The following UMAD1 variants were observed in gnomAD, a reference collection of about 807,000 sequenced individuals.
UMAD1 encodes the protein UBAP1-MVB12-associated (UMA) domain containing 1.
Under a neutral mutation model 6.1 loss-of-function variants are expected in UMAD1, and 8 were observed. That is an observed-to-expected ratio of 1.30 (90% CI 0.76 to 2.35). UMAD1 has a LOEUF of 2.35. Ranked by LOEUF, UMAD1 falls within the 30% of genes most tolerant of loss-of-function variation. The probability of loss-of-function intolerance (pLI) is 0.00; values close to 1 mark genes in which losing one functional copy is unlikely to be tolerated. For synonymous variants in UMAD1, 56 were observed against 31.4 expected, an observed-to-expected ratio of 1.78 and a Z score of -2.61; for missense variants, 130 against 78.4, an observed-to-expected ratio of 1.66 and a Z score of -2.49.
chr7:7,731,005 G>A (rs1370003462), intron 2 of UMAD1, among the ~76,000 whole-genome samples: 1 of 152,010 alleles, frequency 6.6e-6, no homozygotes, highest in African/African-American at 2.4e-5. Context: ...TTTTTTGTTT[G>A]TTTGTTTGTT....
intron 3 of UMAD1, among the ~76,000 whole-genome samples, chr7:7,843,725 T>C (rs534535336): frequency 6.6e-6 from 1 of 152,168 alleles, no homozygotes; most frequent in Non-Finnish European, 1.5e-5. Context: ...GCAGTGAGGA[T>C]TCCTTATCAC....
intron 2 of UMAD1, among the ~76,000 whole-genome samples, chr7:7,686,612 T>G (rs13234728): frequency 0.57 from 87,400 of 152,004 alleles, 25,386 homozygotes; most frequent in East Asian, 0.81. Flanking sequence ...AACAACAAAT[T>G]AATAAACTTT....
At chr7:7,843,976 A>G (rs1156954555) in intron 3 of UMAD1, among the ~76,000 whole-genome samples, 1 of 152,202 alleles carries the variant, frequency 6.6e-6, no homozygotes, top group Non-Finnish European at 1.5e-5. Flanking sequence ...AAACTGAGTG[A>G]GATACTAATT....
At chr7:7,710,862 G>A (rs192556168) in intron 2 of UMAD1, among the ~76,000 whole-genome samples, 19 of 152,266 alleles carry the variant, frequency 1.2e-4, no homozygotes, top group African/African-American at 4.6e-4. Flanking sequence ...GCAAGAAGAA[G>A]TAACAAACTG....
chr7:7,843,842 C>T (rs144749144), intron 3 of UMAD1, among the ~76,000 whole-genome samples: 4 of 152,266 alleles, frequency 2.6e-5, no homozygotes, highest in African/African-American at 7.2e-5. Flanking sequence ...AATGTCAGTT[C>T]TGTAATCCCC....
At chr7:7,813,553 A>C (rs776460324) in intron 3 of UMAD1, among the ~76,000 whole-genome samples, 16 of 152,086 alleles carry the variant, frequency 1.1e-4, no homozygotes, top group Non-Finnish European at 1.5e-4. Context: ...AGATTGGTGT[A>C]TGCTACACGT....
At position 7,729,974 on chromosome 7, in the gene UMAD1, A is replaced by G. The variant is rs115797028; in HGVS notation, c.82+56521A>G. 3.0e-3 allele frequency among the ~76,000 whole-genome samples: 452 copies of G among 152,244 alleles called. 2 individuals carry two copies. Among genetic ancestry groups the G allele is most frequent in the African/African-American group, 9.8e-3 (409 of 41,544 alleles). On this transcript the variant is annotated intron_variant, in intron 2 of 3. Coordinates refer to ENST00000682710, the MANE Select transcript of UMAD1 (RefSeq NM_001302348.2). ...ACTTCTCTCACCCAGTCTGGAGCCT[A>G]TGGTCAATAGTTGCAGTGTTCTAAG...
intron 2 of UMAD1, among the ~76,000 whole-genome samples, chr7:7,794,786 G>A (rs1185764781): frequency 6.6e-6 from 1 of 152,136 alleles, no homozygotes; most frequent in Non-Finnish European, 1.5e-5. Context: ...GATTACATCC[G>A]TAGAGAATCT....
intron 2 of UMAD1, among the ~76,000 whole-genome samples, chr7:7,707,174 C>A (rs1217925838): frequency 6.6e-6 from 1 of 152,090 alleles, no homozygotes; most frequent in Non-Finnish European, 1.5e-5. Context: ...CAGGCAAAAT[C>A]AGTTTTTACA....
chr7:7,777,593 A>ATG, intron 2 of UMAD1, among the ~76,000 whole-genome samples: 1 of 145,122 alleles, frequency 6.9e-6, no homozygotes, highest in African/African-American at 2.6e-5. Context: ...ATATATATAT[A>ATG]TATATATATG....
intron 2 of UMAD1, among the ~76,000 whole-genome samples, chr7:7,801,315 A>G (rs1782794387): frequency 6.6e-6 from 1 of 152,270 alleles, no homozygotes. Context: ...AGTTATCCAT[A>G]TCATAAAAGA....
chr7:7,687,383 C>T (rs28912732), intron 2 of UMAD1: 12,156 of 152,240 alleles, frequency 0.08, 501 homozygotes, highest in Admixed American at 0.11. Flanking sequence ...TGACCCTGGG[C>T]AGTTCAGTGA....
chr7:7,715,532 T>G (rs1160509283), intron 2 of UMAD1, among the ~76,000 whole-genome samples: 1 of 152,214 alleles, frequency 6.6e-6, no homozygotes, highest in African/African-American at 2.4e-5. Flanking sequence ...TATTTCTGTG[T>G]GCTAGGTGCT....
At chr7:7,762,480 T>G (rs1479520374) in intron 2 of UMAD1, among the ~76,000 whole-genome samples, 1 of 152,218 alleles carries the variant, frequency 6.6e-6, no homozygotes, top group African/African-American at 2.4e-5. Context: ...TCTTGTGTGT[T>G]AAGGCAAAGT....
At chr7:7,687,872 A>G (rs1780076928) in intron 2 of UMAD1, among the ~76,000 whole-genome samples, 1 of 152,222 alleles carries the variant, frequency 6.6e-6, no homozygotes, top group Non-Finnish European at 1.5e-5. Context: ...TAAGCTGTAA[A>G]TTTATGGAAC....
At chr7:7,798,990 AT>A (rs1443340118) in intron 2 of UMAD1, among the ~76,000 whole-genome samples, 1 of 152,124 alleles carries the variant, frequency 6.6e-6, no homozygotes, top group African/African-American at 2.4e-5. Flanking sequence ...TGCAAATGAA[AT>A]TTTTTTATCT....
intron 2 of UMAD1, among the ~76,000 whole-genome samples, chr7:7,688,575 G>A (rs972358692): frequency 5.9e-5 from 9 of 152,042 alleles, no homozygotes; most frequent in Admixed American, 1.3e-4. Flanking sequence ...AATCTGTCTC[G>A]AGGCTTCCTC....
chr7:7,858,084 A>C (rs2348763), intron 3 of UMAD1, among the ~76,000 whole-genome samples: 38,107 of 152,138 alleles, frequency 0.25, 5,795 homozygotes, highest in Non-Finnish European at 0.33. Flanking sequence ...AGATTAAAAT[A>C]GTACCTACCT....
intron 2 of UMAD1, among the ~76,000 whole-genome samples, chr7:7,732,859 G>A (rs1781283179): frequency 6.6e-6 from 1 of 152,308 alleles, no homozygotes; most frequent in South Asian, 2.1e-4. Context: ...ATAAAGGGTG[G>A]CAGTGTTCCA....
Sources: gnomAD v4.1 joint callset for allele counts (sites outside exome capture counted in the v4.1 genomes callset) on GRCh38, gnomAD v4.1.1 for gene constraint, MANE v1.5 for transcripts, NCBI Gene and HGNC (gene_info 2026-07-23, HGNC 2026-07-21) for gene names.